The following CRY2 variants were observed in gnomAD, a reference collection of about 807,000 sequenced individuals.
CRY2 encodes cryptochrome circadian regulator 2.
In CRY2, 31 loss-of-function variants were observed where a neutral mutation model predicts 69.5. That is an observed-to-expected ratio of 0.45 (90% CI 0.34 to 0.60). CRY2 has a LOEUF of 0.60. CRY2 is among the 20% of genes least tolerant of loss of function. CRY2 has a pLI of 0.02. For synonymous variants in CRY2, 303 were observed against 312.2 expected, an observed-to-expected ratio of 0.97 and a Z score of 0.31; for missense variants, 606 against 797.8, an observed-to-expected ratio of 0.76 and a Z score of 2.90.
intron 1 of CRY2, among the ~76,000 whole-genome samples, chr11:45,852,502 G>A (rs2134628222): frequency 6.6e-6 from 1 of 152,298 alleles, no homozygotes; most frequent in Middle Eastern, 3.4e-3. Flanking sequence ...CCCTAGTGGT[G>A]GCTTCTCATT....
chr11:45,872,259 C>T (rs1565063463), intron 11 of CRY2, 26 bp downstream of exon 11: 1 of 1,608,272 alleles, frequency 6.2e-7, no homozygotes, highest in Non-Finnish European at 8.5e-7. Flanking sequence ...CTAGATTCAA[C>T]CTCAGGAAGG....
At chr11:45,878,598 A>G (rs1417910179) in intron 11 of CRY2, among the ~76,000 whole-genome samples, 1 of 152,190 alleles carries the variant, frequency 6.6e-6, no homozygotes, top group East Asian at 1.9e-4. Context: ...CTTAAAGGGA[A>G]AAATTATTGA....
chr11:45,854,187 G>A (rs566354989), intron 1 of CRY2, among the ~76,000 whole-genome samples: 1 of 152,356 alleles, frequency 6.6e-6, no homozygotes, highest in African/African-American at 2.4e-5. Context: ...GGGATGGGTG[G>A]AGACCCAAGG....
chr11:45,879,618 C>T (rs896767256), intron 11 of CRY2, among the ~76,000 whole-genome samples: 1 of 152,232 alleles, frequency 6.6e-6, no homozygotes, highest in Admixed American at 6.5e-5. Context: ...GGCTCTGCCA[C>T]TTATGAATGC....
chr11:45,860,808 G>C (rs754750940), intron 3 of CRY2, 40 bp from the exon 4 acceptor site: 34 of 1,598,914 alleles, frequency 2.1e-5, no homozygotes, highest in Non-Finnish European at 2.9e-5. Context: ...CACATCACAG[G>C]GCCATGTGGG....
At chr11:45,878,651 G>C (rs925902915) in intron 11 of CRY2, among the ~76,000 whole-genome samples, 1 of 152,176 alleles carries the variant, frequency 6.6e-6, no homozygotes, top group Non-Finnish European at 1.5e-5. Context: ...AGCCAGGTGC[G>C]GTGGCTTACG....
At position 45,870,445 on chromosome 11, in the gene CRY2, C is replaced by G; in HGVS notation, c.1462C>G (p.Pro488Ala). ...KCIIGVDYPR[P>A]IVNHAETSRL... ...CATCATTGGTGTGGACTACCCACGG[C>G]CCATCGTCAACCATGCCGAGACCAG... Residue 488 changes from proline (P) to alanine (A), a missense_variant, in exon 9 of 12, where the codon CCC becomes GCC. Physicochemically the swap from Pro to Ala is conservative, Grantham distance 27. This residue lies in a region of CRY2 where 173 missense variants were observed against 213.7 expected (regional missense o/e 0.81). Coordinates refer to ENST00000616080, the MANE Select transcript of CRY2 (RefSeq NM_021117.5). The G allele has an allele frequency of 6.2e-7, 1 of 1,614,220 alleles. No homozygotes were observed. Among genetic ancestry groups the G allele is most frequent in the Non-Finnish European group, 8.5e-7 (1 of 1,180,040 alleles).
rs1432554921 is a variant in CRY2, at chr11:45,882,586, G to T, written c.*1675G>T. 2.5e-6 allele frequency: 1 copy of T among 399,104 alleles called. No individual in the cohort carries two copies. Among genetic ancestry groups the T allele is most frequent in the Non-Finnish European group, 4.4e-6 (1 of 226,108 alleles). The allele number at this position is 399,104 out of a possible 1,614,324, so 24.7% of individuals were successfully genotyped here. A position where few individuals can be genotyped will look rare whatever the true frequency, so the allele number is the denominator to read the frequency against. ...TGCCTTTAGAGTCCAACTGTTGTAC[G>T]TATGTCACCTTCACTAGAAATGTCC... On this transcript the variant is annotated 3_prime_UTR_variant, in exon 12 of 12. Transcript: ENST00000616080.
chr11:45,849,747 A>T (rs1429772903), intron 1 of CRY2, among the ~76,000 whole-genome samples: 1 of 151,906 alleles, frequency 6.6e-6, no homozygotes, highest in Non-Finnish European at 1.5e-5. Flanking sequence ...CAGTCTCCCA[A>T]GTAGCCAGGA....
At chr11:45,856,148 C>A in intron 2 of CRY2, 58 bp downstream of exon 2, 1 of 1,314,104 alleles carries the variant, frequency 7.6e-7, no homozygotes, top group Non-Finnish European at 1.1e-6. Flanking sequence ...GGTTTCCCCA[C>A]AGCCTGAGTG....
chr11:45,855,615 C>G (rs2134630947), intron 1 of CRY2, among the ~76,000 whole-genome samples: 1 of 152,340 alleles, frequency 6.6e-6, no homozygotes, highest in Middle Eastern at 3.4e-3. Context: ...TCACATTTAT[C>G]TCATGATGTC....
intron 1 of CRY2, among the ~76,000 whole-genome samples, chr11:45,850,960 C>T (rs948824000): frequency 6.6e-6 from 1 of 151,902 alleles, no homozygotes; most frequent in African/African-American, 2.4e-5. Flanking sequence ...AAGAAGAAGC[C>T]TAGCATACTT....
chr11:45,869,719 C>G lies in CRY2; in HGVS notation c.1096C>G (p.Leu366Val). The G allele has an allele frequency of 6.2e-7, 1 of 1,614,244 alleles. No homozygotes were observed. The highest frequency in any genetic ancestry group is 8.5e-7 in the Non-Finnish European group (1 of 1,180,046). The change falls in exon 7 of 12, where the codon CTG (leucine) becomes GTG (valine). Residue 366 changes from leucine to valine, a missense_variant. Physicochemically the swap from Leu to Val is conservative, Grantham distance 32. This residue lies in a region of CRY2 where 382 missense variants were observed against 508.9 expected (regional missense o/e 0.75). Coordinates refer to ENST00000616080, the MANE Select transcript of CRY2 (RefSeq NM_021117.5). ...FPWIDAIMTQLRQEGWIHHLA... is the reference protein window; with the variant it reads ...FPWIDAIMTQVRQEGWIHHLA... ...TTGGATTGATGCCATCATGACCCAACTGAGGCAGGAGGGCTGGATCCACCA... is the reference window on the plus strand; with the variant it reads ...TTGGATTGATGCCATCATGACCCAAGTGAGGCAGGAGGGCTGGATCCACCA...
At chr11:45,872,358 T>C (rs1590771667) in intron 11 of CRY2, 125 bp downstream of exon 11, 2 of 851,528 alleles carry the variant, frequency 2.3e-6, no homozygotes. Context: ...CACCCAATGC[T>C]CAGCCACTAA....
intron 5 of CRY2, among the ~76,000 whole-genome samples, chr11:45,864,736 C>T (rs1259513792): frequency 6.6e-6 from 1 of 152,022 alleles, no homozygotes; most frequent in Admixed American, 6.5e-5. Context: ...GGCATGGTGG[C>T]GAGTGCCTGT....
intron 4 of CRY2, 157 bp downstream of exon 4, chr11:45,861,189 C>T: frequency 1.4e-6 from 1 of 729,556 alleles, no homozygotes; most frequent in Non-Finnish European, 2.2e-6. Context: ...CCAGAGGTAA[C>T]CACAATTAAT....
intron 5 of CRY2, among the ~76,000 whole-genome samples, chr11:45,863,202 G>A (rs1341356994): frequency 6.6e-6 from 1 of 152,212 alleles, no homozygotes; most frequent in African/African-American, 2.4e-5. Context: ...ACATCAAAAG[G>A]TTCACCTAGA....
At position 45,860,950 on chromosome 11, in the gene CRY2, C is replaced by T. The variant is rs758502219; in HGVS notation, c.570C>T (p.Thr190=). ...CCAAGAAGCCAGTGGGCTTGGTGAC[C>T]AGCCAGCAGATGGAGAGCTGCAGGG... ...ELPKKPVGLV[T]SQQMESCRAE... The change falls in exon 4 of 12, where the codon ACC becomes ACT. Residue 190 remains threonine (T), a synonymous_variant. Coordinates refer to ENST00000616080, the MANE Select transcript of CRY2 (RefSeq NM_021117.5). 13 of 1,614,002 alleles carry T rather than the reference C, an allele frequency of 8.1e-6. No individual in the cohort carries two copies. The highest frequency in any genetic ancestry group is 1.0e-5 in the Non-Finnish European group (12 of 1,180,046).
rs756444559 is a variant in CRY2 at position 45,867,621 on chromosome 11, G to A, written c.751G>A (p.Ala251Thr). ...TCTCTTTCTGCTGTAGGCCTGGGTT[G>A]CCAACTATGAGAGACCCCGAATGAA... ...DKHLERKAWV[A>T]NYERPRMNAN... The change falls in exon 6 of 12, where the codon GCC (alanine) becomes ACC (threonine). Residue 251 changes from alanine (A) to threonine (T), a missense_variant. This residue lies in a region of CRY2 where 382 missense variants were observed against 508.9 expected (regional missense o/e 0.75). Coordinates refer to ENST00000616080, the MANE Select transcript of CRY2 (RefSeq NM_021117.5). The A allele has an allele frequency of 6.2e-7, 1 of 1,614,156 alleles. No individual in the cohort carries two copies. Among genetic ancestry groups the A allele is most frequent in the East Asian group, 2.2e-5 (1 of 44,880 alleles).
Sources: gnomAD v4.1 joint callset for allele counts (sites outside exome capture counted in the v4.1 genomes callset) on GRCh38, gnomAD v4.1.1 for gene constraint, gnomAD v4.1.1 regional missense constraint, MANE v1.5 for transcripts, NCBI Gene and HGNC (gene_info 2026-07-23, HGNC 2026-07-21) for gene names.